ACSM2B: variants seen among roughly 807,000 people sequenced by gnomAD.
ACSM2B encodes acyl-CoA synthetase medium chain family member 2B.
ACSM2B carries 58 observed loss-of-function variants against 78.6 expected under a neutral mutation model. The ratio of observed to expected loss-of-function variants is 0.74; its 90% CI spans 0.60 to 0.92. ACSM2B has a LOEUF of 0.92. ACSM2B is among the 40% of genes least tolerant of loss of function. The pLI, the probability that ACSM2B is intolerant of heterozygous loss-of-function variation, is 0.00. For missense variants in ACSM2B, 688 were observed against 711.2 expected (o/e 0.97, Z 0.37); for synonymous variants, 257 against 256.8 (o/e 1.00, Z -0.01).
intron 1 of ACSM2B, among the ~76,000 whole-genome samples, chr16:20,573,040 G>T: frequency 6.8e-6 from 1 of 146,780 alleles, no homozygotes; most frequent in East Asian, 2.1e-4. Flanking sequence ...CTTAATAATT[G>T]CCCTTCTGAA....
In ACSM2B at chr16:20,541,677, C is replaced by CTTTTTTTTTTTTTTTTTTT. The variant is rs781297967; in HGVS notation, c.1510-905_1510-904insAAAAAAAAAAAAAAAAAAA. The CTTTTTTTTTTTTTTTTTTT allele has an allele frequency of 6.5e-5, 6 of 92,600 alleles. 3 individuals carry two copies. The highest frequency in any genetic ancestry group is 1.0e-4 in the African/African-American group (2 of 19,258). 5.7% of individuals were successfully genotyped at this position (92,600 alleles called of 1,614,324 possible). Reference sequence around the variant, plus strand: ...TCTTTTTTCCTTTCTTTTTCTTTTTCTTTCTTTTTTTTTTTTTTTTTTTGA... The same window carrying CTTTTTTTTTTTTTTTTTTT: ...TCTTTTTTCCTTTCTTTTTCTTTTTCTTTTTTTTTTTTTTTTTTTTTTCTTTTTTTTTTTTTTTTTTTGA... On this transcript the variant is annotated intron_variant, in intron 12 of 13. Transcript: ENST00000329697.
chr16:20,575,941 CT>C (rs1482710221), intron 1 of ACSM2B: 3 of 151,778 alleles, frequency 2.0e-5, no homozygotes, highest in African/African-American at 7.3e-5. Flanking sequence ...GGGATTCATC[CT>C]TCTCTGACCA....
intron 4 of ACSM2B, among the ~76,000 whole-genome samples, chr16:20,554,336 A>C (rs1238060744): frequency 6.6e-6 from 1 of 152,194 alleles, no homozygotes; most frequent in Non-Finnish European, 1.5e-5. Flanking sequence ...GGTGGAATTA[A>C]TACGAGTTTT....
chr16:20,538,811 G>A (rs1199472898), intron 13 of ACSM2B, among the ~76,000 whole-genome samples: 2 of 152,126 alleles, frequency 1.3e-5, no homozygotes, highest in East Asian at 3.8e-4. Flanking sequence ...GGAGGTGAAT[G>A]TTGAACCCGA....
Position 20,564,758 on chromosome 16 carries a change from G to C in ACSM2B, c.88C>G (p.Leu30Val), listed in dbSNP as rs747120834. The change falls in exon 2 of 14, where the codon CTG (leucine) becomes GTG (valine). Residue 30 changes from leucine (L) to valine (V), a missense_variant. By Grantham distance (32) the Leu-to-Val change is conservative. Transcript: ENST00000329697. ...TGGTGGCCCCACTGCAGGGACACCAGTTGCCTACTATTAATGTAGAGAGTG... is the reference window on the plus strand; with the variant it reads ...TGGTGGCCCCACTGCAGGGACACCACTTGCCTACTATTAATGTAGAGAGTG... The part of the protein sequence containing the change: ...SRTLYINSRQ[L>V]VSLQWGHQEV... 9 of 1,613,410 alleles carry C rather than the reference G, an allele frequency of 5.6e-6. No homozygotes were observed. The African/African-American group carries it at 1.2e-4, about 22-fold the overall frequency.
chr16:20,554,463 T>G (rs2015409088), intron 4 of ACSM2B, among the ~76,000 whole-genome samples: 1 of 152,212 alleles, frequency 6.6e-6, no homozygotes, highest in African/African-American at 2.4e-5. Flanking sequence ...TTTATTTCCA[T>G]GACAGCTACC....
intron 1 of ACSM2B, among the ~76,000 whole-genome samples, chr16:20,567,444 A>C (rs1158541884): frequency 8.4e-6 from 1 of 119,700 alleles, no homozygotes; most frequent in Non-Finnish European, 1.6e-5. Context: ...TATAATATAT[A>C]GTATATTATT....
intron 12 of ACSM2B, 76 bp downstream of exon 12, chr16:20,542,838 C>T (rs1468766760): frequency 1.9e-6 from 3 of 1,575,594 alleles, no homozygotes; most frequent in Non-Finnish European, 2.6e-6. Context: ...CCCCACAGTC[C>T]CTGTTCTTAA....
At chr16:20,569,818 G>T (rs377269168) in intron 1 of ACSM2B, among the ~76,000 whole-genome samples, 1 of 151,454 alleles carries the variant, frequency 6.6e-6, no homozygotes, top group African/African-American at 2.4e-5. Context: ...TTTTTTTGCA[G>T]CTATTATAAA....
chr16:20,548,776 C>A (rs1264775463), intron 6 of ACSM2B, among the ~76,000 whole-genome samples: 3 of 152,126 alleles, frequency 2.0e-5, no homozygotes, highest in Non-Finnish European at 4.4e-5. Flanking sequence ...TTAACACACC[C>A]CTAGGAGTAT....
chr16:20,566,952 A>G (rs1474020757), intron 1 of ACSM2B, among the ~76,000 whole-genome samples: 1 of 120,566 alleles, frequency 8.3e-6, no homozygotes, highest in African/African-American at 3.1e-5. Context: ...ATTATATATC[A>G]TATATATTAT....
rs1278618769 is a variant in ACSM2B at position 20,564,521 on chromosome 16, T to C, written c.177+148A>G. 5 of 1,459,424 alleles carry C rather than the reference T, an allele frequency of 3.4e-6. No homozygotes were observed. The African/African-American group carries it at 5.7e-5, about 17-fold the overall frequency. The allele number at this position is 1,459,424 out of a possible 1,614,324, so 90.4% of individuals were successfully genotyped here. On this transcript the variant is annotated intron_variant, in intron 2 of 13. Coordinates refer to ENST00000329697, the MANE Select transcript of ACSM2B (RefSeq NM_001105069.2). The stretch of plus-strand genomic sequence containing the variant: ...ATGCTGTCTCTTTCCCATACCATAC[T>C]GCCTTCATGGAAGATGAGTGTCTTG...
At chr16:20,560,938 T>C (rs2015634906) in intron 2 of ACSM2B, among the ~76,000 whole-genome samples, 1 of 152,074 alleles carries the variant, frequency 6.6e-6, no homozygotes, top group Non-Finnish European at 1.5e-5. Context: ...CTTGGCTGCA[T>C]TGTGTTCATA....
chr16:20,545,348 G>A (rs1310775273), intron 9 of ACSM2B, 90 bp from the exon 10 acceptor site: 3 of 1,474,734 alleles, frequency 2.0e-6, no homozygotes, highest in African/African-American at 2.8e-5. Flanking sequence ...TCAAATGAAA[G>A]ACTCTCTTGC....
intron 5 of ACSM2B, among the ~76,000 whole-genome samples, chr16:20,552,544 A>G (rs1225483286): frequency 6.6e-6 from 1 of 152,176 alleles, no homozygotes; most frequent in African/African-American, 2.4e-5. Flanking sequence ...GACTTAATAT[A>G]TAATTGGGTC....
intron 10 of ACSM2B, 49 bp from the exon 11 acceptor site, chr16:20,543,311 C>T (rs762301426): frequency 1.9e-6 from 3 of 1,612,882 alleles, no homozygotes; most frequent in Admixed American, 1.7e-5. Flanking sequence ...AGCCTAAATC[C>T]CCTGCCCTGG....
intron 3 of ACSM2B, among the ~76,000 whole-genome samples, chr16:20,556,557 G>C (rs1484541962): frequency 6.6e-6 from 1 of 152,078 alleles, no homozygotes; most frequent in Non-Finnish European, 1.5e-5. Flanking sequence ...AGCCAAAATC[G>C]CACCACTGCA....
chr16:20,548,674 C>T (rs957096485), intron 6 of ACSM2B, among the ~76,000 whole-genome samples: 2 of 152,200 alleles, frequency 1.3e-5, no homozygotes, highest in African/African-American at 2.4e-5. Context: ...GAAATGAGTA[C>T]ATATTATTGT....
chr16:20,565,696 T>C (rs1174109905), intron 1 of ACSM2B, among the ~76,000 whole-genome samples: 1 of 152,078 alleles, frequency 6.6e-6, no homozygotes, highest in Non-Finnish European at 1.5e-5. Context: ...ATAAGTTCTT[T>C]ATTGGTGATT....
Sources: gnomAD v4.1 joint callset for allele counts (sites outside exome capture counted in the v4.1 genomes callset) on GRCh38, gnomAD v4.1.1 for gene constraint, MANE v1.5 for transcripts, NCBI Gene and HGNC (gene_info 2026-07-23, HGNC 2026-07-21) for gene names.